The following PLA2G4A variants were observed in gnomAD, a reference collection of about 807,000 sequenced individuals.
The protein encoded by PLA2G4A is cytosolic phospholipase A2.
In PLA2G4A, 40 loss-of-function variants were observed where a neutral mutation model predicts 81.9. The ratio of observed to expected loss-of-function variants is 0.49; its 90% CI spans 0.38 to 0.64. The LOEUF is 0.64. Ranked by LOEUF, PLA2G4A falls within the 30% of genes least tolerant of loss-of-function variation. The pLI is 0.00. For synonymous variants in PLA2G4A, 302 were observed against 296.9 expected, an observed-to-expected ratio of 1.02 and a Z score of -0.18; for missense variants, 715 against 905.1, an observed-to-expected ratio of 0.79 and a Z score of 2.69.
intron 15 of PLA2G4A, among the ~76,000 whole-genome samples, chr1:186,973,935 A>C (rs1657444837): frequency 6.6e-6 from 1 of 152,108 alleles, no homozygotes; most frequent in Non-Finnish European, 1.5e-5. Context: ...TAATCTTAAA[A>C]ATAGGTTTTA....
At chr1:186,945,808 T>C (rs1484505358) in intron 10 of PLA2G4A, among the ~76,000 whole-genome samples, 1 of 152,110 alleles carries the variant, frequency 6.6e-6, no homozygotes, top group Non-Finnish European at 1.5e-5. Flanking sequence ...TAATTAGACA[T>C]AGTCGTAGCC....
At chr1:186,922,788 G>A (rs1027460431) in intron 7 of PLA2G4A, among the ~76,000 whole-genome samples, 1 of 152,218 alleles carries the variant, frequency 6.6e-6, no homozygotes, top group African/African-American at 2.4e-5. Flanking sequence ...AGCTCCCTGA[G>A]TGAGCAATTC....
At chr1:186,955,110 A>G (rs1425018881) in intron 13 of PLA2G4A, among the ~76,000 whole-genome samples, 2 of 152,182 alleles carry the variant, frequency 1.3e-5, no homozygotes, top group African/African-American at 4.8e-5. Flanking sequence ...ATACAATATA[A>G]TTTCCCAGGA....
intron 2 of PLA2G4A, among the ~76,000 whole-genome samples, chr1:186,869,620 G>A (rs898013415): frequency 6.6e-6 from 1 of 152,082 alleles, no homozygotes; most frequent in Non-Finnish European, 1.5e-5. Context: ...CAGTATCTGA[G>A]CCTCTTTTTA....
chr1:186,865,947 G>T (rs1055940784), intron 2 of PLA2G4A, among the ~76,000 whole-genome samples: 1 of 152,120 alleles, frequency 6.6e-6, no homozygotes, highest in Non-Finnish European at 1.5e-5. Flanking sequence ...GACACTCAAA[G>T]TAATCCAAAA....
At chr1:186,845,166 C>T (rs891068208) in intron 1 of PLA2G4A, among the ~76,000 whole-genome samples, 3 of 152,006 alleles carry the variant, frequency 2.0e-5, no homozygotes, top group Non-Finnish European at 4.4e-5. Flanking sequence ...GCCAAGATTG[C>T]ACTACACTCC....
intron 11 of PLA2G4A, 24 bp downstream of exon 11, chr1:186,946,798 A>G (rs200362578): frequency 1.6e-5 from 26 of 1,600,774 alleles, no homozygotes; most frequent in Admixed American, 3.3e-5. Context: ...ATAAAAATAT[A>G]TCATTGACTT....
chr1:186,893,724 G>C (rs1654231454), intron 4 of PLA2G4A, among the ~76,000 whole-genome samples: 2 of 152,016 alleles, frequency 1.3e-5, no homozygotes, highest in African/African-American at 4.8e-5. Flanking sequence ...AGGAGCTCGA[G>C]ACCAGCCTGG....
chr1:186,984,503 T>C (rs1187013996), intron 17 of PLA2G4A, among the ~76,000 whole-genome samples: 2 of 152,214 alleles, frequency 1.3e-5, no homozygotes, highest in African/African-American at 4.8e-5. Context: ...TAAATAATTC[T>C]ACAAAGTGCT....
intron 5 of PLA2G4A, among the ~76,000 whole-genome samples, chr1:186,898,184 T>C (rs139199659): frequency 1.3e-5 from 2 of 152,222 alleles, no homozygotes; most frequent in East Asian, 3.9e-4. Context: ...AATTTAAAGA[T>C]ACTAACTTGT....
chr1:186,983,839 G>A (rs1372847423), intron 17 of PLA2G4A, among the ~76,000 whole-genome samples: 1 of 152,116 alleles, frequency 6.6e-6, no homozygotes, highest in Non-Finnish European at 1.5e-5. Flanking sequence ...TTGGCTGGGT[G>A]ACATTGGGCA....
At chr1:186,882,774 G>A (rs909429398) in intron 3 of PLA2G4A, among the ~76,000 whole-genome samples, 7 of 152,104 alleles carry the variant, frequency 4.6e-5, no homozygotes, top group African/African-American at 1.7e-4. Flanking sequence ...TATGTGAGAG[G>A]TGGTGCTTAG....
At chr1:186,868,234 C>T (rs890218018) in intron 2 of PLA2G4A, among the ~76,000 whole-genome samples, 2 of 151,830 alleles carry the variant, frequency 1.3e-5, no homozygotes. Context: ...ACCACCATGC[C>T]CGGCTAATTT....
rs71104890 is a variant in PLA2G4A at position 186,830,957 on chromosome 1, G to GCTTTCTTT, written c.-70+1979_-70+1986dup. Among the ~76,000 whole-genome samples the GCTTTCTTT allele has an allele frequency of 1.9e-3, 156 of 82,764 alleles. 1 individual carries two copies. The highest frequency in any genetic ancestry group is 3.2e-3 in the South Asian group (8 of 2,512). The allele number at this position is 82,764 out of a possible 152,430, so 54.3% of individuals were successfully genotyped here. A position where few individuals can be genotyped will look rare whatever the true frequency, so the allele number is the denominator to read the frequency against. On this transcript the variant is annotated intron_variant, in intron 1 of 17. Transcript: ENST00000367466. ...GTATAGCTTGCTTGCTTGCTTGCTT[G>GCTTTCTTT]CTTTCTTTCTTTCTTTCTTTCTTTC...
chr1:186,840,367 A>C (rs1651937255), intron 1 of PLA2G4A, among the ~76,000 whole-genome samples: 4 of 152,142 alleles, frequency 2.6e-5, no homozygotes, highest in Admixed American at 2.6e-4. Context: ...GTGAATTGCC[A>C]TCACAGTGTC....
At chr1:186,986,469 G>A (rs574085161) in intron 17 of PLA2G4A, among the ~76,000 whole-genome samples, 1 of 152,304 alleles carries the variant, frequency 6.6e-6, no homozygotes, top group Admixed American at 6.5e-5. Context: ...GAAAGGCAGG[G>A]AGATTTTTAA....
At chr1:186,937,090 T>G (rs1018899051) in intron 8 of PLA2G4A, among the ~76,000 whole-genome samples, 1 of 151,632 alleles carries the variant, frequency 6.6e-6, no homozygotes, top group Non-Finnish European at 1.5e-5. Flanking sequence ...AGGGACACCA[T>G]GAAAAGATTA....
intron 6 of PLA2G4A, 34 bp from the exon 7 acceptor site, chr1:186,911,214 A>G: frequency 4.4e-6 from 7 of 1,604,840 alleles, no homozygotes; most frequent in African/African-American, 1.3e-5. Context: ...CACTGGGAGC[A>G]CTGGCTCATG....
chr1:186,948,023 T>C (rs1656403522), intron 12 of PLA2G4A, among the ~76,000 whole-genome samples: 1 of 152,210 alleles, frequency 6.6e-6, no homozygotes, highest in Non-Finnish European at 1.5e-5. Flanking sequence ...GTAACATTAA[T>C]TGGAACATTA....
Sources: allele counts gnomAD v4.1 joint callset (sites outside exome capture counted in the v4.1 genomes callset), GRCh38; gene constraint gnomAD v4.1.1; transcripts MANE v1.5; gene names NCBI Gene and HGNC (gene_info 2026-07-23, HGNC 2026-07-21).